The following KLRG2 variants were observed in gnomAD, a reference collection of about 807,000 sequenced individuals.
The protein encoded by KLRG2 is killer cell lectin like receptor G2, also known as killer cell lectin-like receptor subfamily G member 2.
KLRG2 carries 39 observed loss-of-function variants against 35.4 expected under a neutral mutation model. The observed-to-expected ratio is 1.10, with a 90% CI of 0.85 to 1.44. The LOEUF (loss-of-function observed/expected upper bound fraction) is 1.44. Ranked by LOEUF, KLRG2 falls within the 40% of genes most tolerant of loss-of-function variation. The probability of loss-of-function intolerance (pLI) is 0.00; values close to 1 mark genes in which losing one functional copy is unlikely to be tolerated. For synonymous variants in KLRG2, 283 were observed against 265.8 expected (o/e 1.06, Z -0.63); for missense variants, 632 against 570.9 (o/e 1.11, Z -1.09).
At chr7:139,480,553 C>A (rs899919376) in intron 1 of KLRG2, among the ~76,000 whole-genome samples, 1 of 140,808 alleles carries the variant, frequency 7.1e-6, no homozygotes, top group African/African-American at 2.7e-5. Context: ...TCAAGCAATT[C>A]TCCTGCCTCA....
At position 139,480,094 on chromosome 7, in the gene KLRG2, C is replaced by T. The variant is rs548169299; in HGVS notation, c.859+52G>A. On this transcript the variant is annotated intron_variant, in intron 2 of 4. Transcript: ENST00000340940. ...GTGTTTTAAGGGCTGGAAACACAGCCCCAGTAGTGGAGCGGCAGGGAGAGG... is the reference window on the plus strand; with the variant it reads ...GTGTTTTAAGGGCTGGAAACACAGCTCCAGTAGTGGAGCGGCAGGGAGAGG... 2.8e-4 allele frequency: 344 copies of T among 1,217,086 alleles called. 5 individuals carry two copies. The South Asian group carries it at 3.6e-3, about 13-fold the overall frequency. The allele number at this position is 1,217,086 out of a possible 1,614,324, so 75.4% of individuals were successfully genotyped here.
rs530095834 is a variant in KLRG2 at position 139,478,766 on chromosome 7, C to G, written c.1005+861G>C. Reference sequence around the variant, plus strand: ...GCTCTCAAACCCACTGACTGGATTACTATTCAGCAAACATCCACTCCTCTC... The same window carrying G: ...GCTCTCAAACCCACTGACTGGATTAGTATTCAGCAAACATCCACTCCTCTC... On this transcript the variant is annotated intron_variant, in intron 3 of 4. Transcript: ENST00000340940. 5.9e-5 allele frequency among the ~76,000 whole-genome samples: 9 copies of G among 152,282 alleles called. No individual in the cohort carries two copies. In the South Asian group the frequency reaches 1.9e-3, roughly 32 times the overall value.
the KLRG2 span, among the ~76,000 whole-genome samples, chr7:139,436,833 C>G: frequency 1.3e-5 from 2 of 152,202 alleles, no homozygotes; most frequent in Non-Finnish European, 2.9e-5. Context: ...CACACACTAC[C>G]TGGGGCATGG....
intron 3 of KLRG2, among the ~76,000 whole-genome samples, chr7:139,471,995 C>A (rs1171481005): frequency 6.6e-6 from 1 of 152,220 alleles, no homozygotes; most frequent in Non-Finnish European, 1.5e-5. Context: ...GAGCTGTCAC[C>A]TGACGTGTGG....
chr7:139,459,386 T>G (rs917117147), intron 3 of KLRG2, among the ~76,000 whole-genome samples: 1 of 152,238 alleles, frequency 6.6e-6, no homozygotes, highest in African/African-American at 2.4e-5. Context: ...ACTATGTCCC[T>G]GCAACAATAT....
intron 3 of KLRG2, 78 bp downstream of exon 3, chr7:139,479,549 A>G (rs1159950942): frequency 3.5e-6 from 5 of 1,419,558 alleles, no homozygotes; most frequent in Non-Finnish European, 3.9e-6. Context: ...GGACTCAATC[A>G]TTAAGCTTCT....
At chr7:139,432,168 C>CA in the KLRG2 span, among the ~76,000 whole-genome samples, 3 of 151,970 alleles carry the variant, frequency 2.0e-5, no homozygotes, top group African/African-American at 7.3e-5. Flanking sequence ...CCAACACAGG[C>CA]AACAAAGGGA....
intron 3 of KLRG2, among the ~76,000 whole-genome samples, chr7:139,461,157 G>A (rs1368753047): frequency 6.6e-6 from 1 of 151,728 alleles, no homozygotes; most frequent in Non-Finnish European, 1.5e-5. Flanking sequence ...GTTAAGGCAG[G>A]AGAATTGCTT....
chr7:139,464,928 C>G (rs1349680098), intron 3 of KLRG2, among the ~76,000 whole-genome samples: 1 of 152,256 alleles, frequency 6.6e-6, no homozygotes, highest in African/African-American at 2.4e-5. Context: ...GCTATACTCG[C>G]TCTTTGTTGA....
At chr7:139,440,191 C>T in the KLRG2 span, among the ~76,000 whole-genome samples, 20 of 152,168 alleles carry the variant, frequency 1.3e-4, no homozygotes, top group African/African-American at 4.8e-4. Context: ...CTCACTGCAG[C>T]CTCCGTCTCC....
chr7:139,453,146 C>T lies in KLRG2; in HGVS notation c.*441G>A, dbSNP rs1796399635. On this transcript the variant is annotated 3_prime_UTR_variant, in exon 5 of 5. Coordinates refer to ENST00000340940, the MANE Select transcript of KLRG2 (RefSeq NM_198508.4). ...ACCCAGCTGCCTGAAGTAGAATTCA[C>T]AGCAATGACGTTATCCCTGCCAAGT... 1 of 238,876 alleles carries T rather than the reference C, an allele frequency of 4.2e-6. No homozygotes were observed. The highest frequency in any genetic ancestry group is 7.9e-6 in the Non-Finnish European group (1 of 126,542). The allele number at this position is 238,876 out of a possible 1,614,324, so 14.8% of individuals were successfully genotyped here.
the KLRG2 span, among the ~76,000 whole-genome samples, chr7:139,440,411 C>CT: frequency 0.022 from 897 of 40,476 alleles, 177 homozygotes; most frequent in Non-Finnish European, 0.027. Flanking sequence ...CCACACCTGG[C>CT]TTTTTTTTTT....
downstream of KLRG2, among the ~76,000 whole-genome samples, chr7:139,452,011 C>T (rs149217641): frequency 2.3e-3 from 350 of 150,156 alleles, 2 homozygotes; most frequent in South Asian, 0.01. Flanking sequence ...CACTGTCACC[C>T]GGGCTGCAGT....
chr7:139,447,729 C>G (rs73732783), downstream of KLRG2, among the ~76,000 whole-genome samples: 3,313 of 152,026 alleles, frequency 0.022, 122 homozygotes, highest in African/African-American at 0.077. Flanking sequence ...TCTTGTCACA[C>G]CCAGTTAAAA....
chr7:139,450,858 C>T (rs1308874697), downstream of KLRG2, among the ~76,000 whole-genome samples: 1 of 152,116 alleles, frequency 6.6e-6, no homozygotes, highest in Non-Finnish European at 1.5e-5. Flanking sequence ...GCCCTGTAAC[C>T]AATAAAATGT....
chr7:139,442,459 C>T, the KLRG2 span, among the ~76,000 whole-genome samples: 1 of 152,176 alleles, frequency 6.6e-6, no homozygotes, highest in Non-Finnish European at 1.5e-5. Flanking sequence ...CACCTGTAAT[C>T]CCAGCACTTT....
the KLRG2 span, among the ~76,000 whole-genome samples, chr7:139,429,354 C>T: frequency 7.1e-4 from 107 of 151,770 alleles, no homozygotes; most frequent in South Asian, 0.022. Context: ...TTTCTGGAGG[C>T]CATATATATG....
the KLRG2 span, among the ~76,000 whole-genome samples, chr7:139,439,555 A>G: frequency 1.3e-5 from 2 of 152,212 alleles, no homozygotes; most frequent in Non-Finnish European, 2.9e-5. Context: ...GCCGACACTC[A>G]TGAGGGTTCC....
At chr7:139,471,647 C>T (rs538280551) in intron 3 of KLRG2, among the ~76,000 whole-genome samples, 6 of 151,750 alleles carry the variant, frequency 4.0e-5, no homozygotes, top group African/African-American at 9.7e-5. Context: ...GACAGCTGAG[C>T]GAGACTCGGT....
Sources: gnomAD v4.1 joint callset for allele counts (sites outside exome capture counted in the v4.1 genomes callset) on GRCh38, gnomAD v4.1.1 for gene constraint, MANE v1.5 for transcripts, NCBI Gene and HGNC (gene_info 2026-07-23, HGNC 2026-07-21) for gene names.